The following AK7 variants were observed in gnomAD, a reference collection of about 807,000 sequenced individuals.
AK7 encodes the protein adenylate kinase 7, also known as ATP-AMP transphosphorylase 7.
AK7 carries 78 observed loss-of-function variants against 96.6 expected under a neutral mutation model. The ratio of observed to expected loss-of-function variants is 0.81; its 90% CI spans 0.67 to 0.97. AK7 has a LOEUF of 0.97. Ranked by LOEUF, AK7 falls within the 50% of genes least tolerant of loss-of-function variation. The pLI, the probability that AK7 is intolerant of heterozygous loss-of-function variation, is 0.00. For synonymous variants in AK7, 302 were observed against 317.2 expected (o/e 0.95, Z 0.51); for missense variants, 855 against 887.9 (o/e 0.96, Z 0.47).
rs759792524 is a variant in AK7, at chr14:96,420,907, A to T, written c.584A>T (p.Lys195Ile). ...PNFLDHINAE[K>I]MVLKFGKKAR... The stretch of plus-strand genomic sequence containing the variant: ...TTTCTGGACCACATAAATGCTGAAA[A>T]AATGGTTCTCAAATTTGGAAAAAAG... Residue 195 changes from lysine (K) to isoleucine (I), a missense_variant, in exon 5 of 18, where the codon AAA becomes ATA. By Grantham distance (102) the Lys-to-Ile change is moderately radical. Transcript: ENST00000267584. 1.1e-5 allele frequency: 17 copies of T among 1,612,536 alleles called. No homozygotes were observed. In the East Asian group the frequency reaches 3.3e-4, roughly 32 times the overall value.
chr14:96,436,998 A>T (rs1892673844), intron 5 of AK7, among the ~76,000 whole-genome samples: 1 of 144,148 alleles, frequency 6.9e-6, no homozygotes, highest in Admixed American at 7.2e-5. Context: ...ACTCATATCA[A>T]TAATAAAGAT....
At chr14:96,397,622 A>C (rs745808898) in intron 1 of AK7, among the ~76,000 whole-genome samples, 67 of 152,004 alleles carry the variant, frequency 4.4e-4, no homozygotes, top group Middle Eastern at 3.2e-3. Context: ...TTAAAACTAC[A>C]TAAGTGCCTG....
chr14:96,455,628 G>A (rs1893853867), intron 10 of AK7, among the ~76,000 whole-genome samples: 1 of 152,220 alleles, frequency 6.6e-6, no homozygotes, highest in Non-Finnish European at 1.5e-5. Flanking sequence ...ACAATGCCCT[G>A]TACTGTGCAC....
At chr14:96,456,801 T>C (rs1893939720) in intron 11 of AK7, 1 of 235,692 alleles carries the variant, frequency 4.2e-6, no homozygotes, top group Admixed American at 4.9e-5. Flanking sequence ...AACTCAGGGG[T>C]CGGGGGATGT....
chr14:96,436,906 G>A (rs1444989843), intron 5 of AK7, among the ~76,000 whole-genome samples: 1 of 152,110 alleles, frequency 6.6e-6, no homozygotes, highest in East Asian at 1.9e-4. Context: ...GCCTGGGACT[G>A]GTTGGAAAAG....
chr14:96,409,031 T>C, intron 4 of AK7, 90 bp downstream of exon 4: 1 of 1,294,778 alleles, frequency 7.7e-7, no homozygotes, highest in Non-Finnish European at 1.1e-6. Context: ...TGGCGAGTTG[T>C]GTATTCTCCC....
In AK7 at chr14:96,487,062, A is replaced by T. The variant is rs1416214439; in HGVS notation, c.2133+6A>T. 1 of 1,613,788 alleles carries T rather than the reference A, an allele frequency of 6.2e-7. No individual in the cohort carries two copies. The highest frequency in any genetic ancestry group is 1.1e-5 in the South Asian group (1 of 91,004). On this transcript the variant is annotated splice_donor_region_variant and intron_variant, in intron 17 of 17. Coordinates refer to ENST00000267584, the MANE Select transcript of AK7 (RefSeq NM_152327.5). ...AAGACCCTGTTGATTTTCTGGTAAC[A>T]TATTTAATTTTTAAAAAAAGATCAA...
At chr14:96,431,237 G>GT (rs548412655) in intron 5 of AK7, among the ~76,000 whole-genome samples, 8 of 151,884 alleles carry the variant, frequency 5.3e-5, no homozygotes, top group Non-Finnish European at 1.0e-4. Context: ...TTTTTGAAGG[G>GT]TTTTTTTGTG....
intron 6 of AK7, among the ~76,000 whole-genome samples, chr14:96,438,536 G>A (rs1164135102): frequency 1.3e-5 from 2 of 152,202 alleles, no homozygotes; most frequent in Admixed American, 6.5e-5. Context: ...AGGCAGAAAT[G>A]TGCTGGCTAC....
At chr14:96,474,951 C>T (rs1895096143) in intron 14 of AK7, among the ~76,000 whole-genome samples, 1 of 152,236 alleles carries the variant, frequency 6.6e-6, no homozygotes, top group Non-Finnish European at 1.5e-5. Flanking sequence ...AGTCCACTCA[C>T]TAGTAAATGG....
intron 1 of AK7, among the ~76,000 whole-genome samples, chr14:96,392,783 C>T (rs1426352309): frequency 6.6e-6 from 1 of 152,134 alleles, no homozygotes; most frequent in Non-Finnish European, 1.5e-5. Context: ...CCTGCCTCAG[C>T]CTCCGAGTAG....
intron 1 of AK7, among the ~76,000 whole-genome samples, chr14:96,397,315 C>G (rs1188664372): frequency 2.0e-5 from 3 of 151,888 alleles, no homozygotes; most frequent in Admixed American, 2.0e-4. Context: ...ATGGCACAAT[C>G]TAGGCTCACT....
At chr14:96,460,459 C>T (rs747644337) in intron 12 of AK7, among the ~76,000 whole-genome samples, 44 of 152,140 alleles carry the variant, frequency 2.9e-4, no homozygotes, top group African/African-American at 9.2e-4. Context: ...GTGGCCAACT[C>T]GGATGTAAGT....
At chr14:96,450,350 A>G (rs995120867) in intron 9 of AK7, among the ~76,000 whole-genome samples, 4 of 151,932 alleles carry the variant, frequency 2.6e-5, no homozygotes, top group African/African-American at 9.6e-5. Flanking sequence ...CGGGAGGCAG[A>G]GGTTGCAGTC....
intron 1 of AK7, among the ~76,000 whole-genome samples, chr14:96,395,244 C>T (rs1243019704): frequency 6.6e-6 from 1 of 152,112 alleles, no homozygotes; most frequent in African/African-American, 2.4e-5. Flanking sequence ...ATTTTGTACA[C>T]ATCAAATATA....
chr14:96,450,138 C>T (rs11160338), intron 9 of AK7, among the ~76,000 whole-genome samples: 18,595 of 151,880 alleles, frequency 0.12, 1,315 homozygotes, highest in Middle Eastern at 0.16. Flanking sequence ...GTATTTGGGC[C>T]GGGCGCGGTG....
chr14:96,455,527 A>C (rs1258312955), intron 10 of AK7, among the ~76,000 whole-genome samples: 2 of 152,138 alleles, frequency 1.3e-5, no homozygotes, highest in Admixed American at 6.6e-5. Context: ...TAAAGACCAA[A>C]TTCAGTACAG....
intron 5 of AK7, among the ~76,000 whole-genome samples, chr14:96,428,882 G>A (rs1303934916): frequency 6.6e-6 from 1 of 151,420 alleles, no homozygotes; most frequent in East Asian, 1.9e-4. Context: ...CAGATGGGTA[G>A]ATTACAAAAA....
intron 8 of AK7, among the ~76,000 whole-genome samples, chr14:96,447,139 T>C (rs1305049536): frequency 6.6e-6 from 1 of 152,130 alleles, no homozygotes; most frequent in African/African-American, 2.4e-5. Context: ...TAAGAAAGAC[T>C]GCTGTAGGGC....
Sources: allele counts gnomAD v4.1 joint callset (sites outside exome capture counted in the v4.1 genomes callset), GRCh38; gene constraint gnomAD v4.1.1; transcripts MANE v1.5; gene names NCBI Gene and HGNC (gene_info 2026-07-23, HGNC 2026-07-21).